Variants in GHR observed in about 807,000 individuals in gnomAD.
GHR encodes GH receptor.
Under a neutral mutation model 67.1 loss-of-function variants are expected in GHR, and 35 were observed. That is an observed-to-expected ratio of 0.52 (90% CI 0.40 to 0.69). The LOEUF is 0.69. Ranked by LOEUF, GHR falls within the 30% of genes least tolerant of loss-of-function variation. The pLI, the probability that GHR is intolerant of heterozygous loss-of-function variation, is 0.00. For missense variants in GHR, 792 were observed against 764.6 expected (o/e 1.04, Z -0.42); for synonymous variants, 272 against 269.1 (o/e 1.01, Z -0.10).
intron 1 of GHR, among the ~76,000 whole-genome samples, chr5:42,563,624 CAAAAAAAA>C (rs1168788232): frequency 3.5e-4 from 16 of 45,094 alleles, no homozygotes; most frequent in African/African-American, 5.1e-4. Context: ...GACTCCGTCT[CAAAAAAAA>C]AAAAAAAAAA....
intron 1 of GHR, among the ~76,000 whole-genome samples, chr5:42,541,154 C>T (rs1168869031): frequency 2.0e-5 from 3 of 152,064 alleles, no homozygotes; most frequent in East Asian, 1.9e-4. Context: ...TCAACCAAAT[C>T]GTCTCTGAGC....
chr5:42,468,140 C>T, intron 1 of GHR: 1 of 1,281,522 alleles, frequency 7.8e-7, no homozygotes, highest in Non-Finnish European at 1.1e-6. Flanking sequence ...ACCTTTTCTT[C>T]CTCTTCTGAT....
intron 1 of GHR, among the ~76,000 whole-genome samples, chr5:42,511,572 C>CTGTTTTT (rs1747016738): frequency 6.6e-6 from 1 of 152,084 alleles, no homozygotes. Context: ...AAACAGTCCT[C>CTGTTTTT]TGTTTTTTGT....
intron 1 of GHR, among the ~76,000 whole-genome samples, chr5:42,460,529 T>A (rs1744443913): frequency 6.6e-6 from 1 of 152,200 alleles, no homozygotes; most frequent in African/African-American, 2.4e-5. Flanking sequence ...CCAGGAAGTT[T>A]GGAATGGATC....
At position 42,679,194 on chromosome 5, in the gene GHR, TTAA is replaced by T. The variant is rs1358437196; in HGVS notation, c.137-9692_137-9690del. ...TATATTATATATTGTATATTATATA[TTAA>T]TAACATACTATTATTAATATTTTAA... On this transcript the variant is annotated intron_variant, in intron 3 of 9. Transcript: ENST00000230882. 2.3e-4 allele frequency among the ~76,000 whole-genome samples: 33 copies of T among 145,522 alleles called. No individual in the cohort carries two copies. The South Asian group carries it at 7.2e-3, about 32-fold the overall frequency.
intron 3 of GHR, among the ~76,000 whole-genome samples, chr5:42,631,551 C>T (rs1014709522): frequency 2.6e-5 from 4 of 152,178 alleles, no homozygotes; most frequent in African/African-American, 9.7e-5. Context: ...ATTTAACAGT[C>T]TGCTGTGTAC....
chr5:42,489,992 A>G (rs553615240), intron 1 of GHR, among the ~76,000 whole-genome samples: 17 of 152,364 alleles, frequency 1.1e-4, no homozygotes, highest in African/African-American at 4.1e-4. Context: ...AAATATAGCA[A>G]GAACATTTTC....
intron 1 of GHR, among the ~76,000 whole-genome samples, chr5:42,482,020 C>A (rs1461824302): frequency 6.6e-6 from 1 of 151,944 alleles, no homozygotes; most frequent in Non-Finnish European, 1.5e-5. Flanking sequence ...TTTTATCTAC[C>A]TTTGGTCTTT....
chr5:42,555,909 A>G (rs1749282782), intron 1 of GHR, among the ~76,000 whole-genome samples: 1 of 152,208 alleles, frequency 6.6e-6, no homozygotes, highest in African/African-American at 2.4e-5. Flanking sequence ...ACAAAATTTT[A>G]GAAGGGTGTT....
intron 2 of GHR, among the ~76,000 whole-genome samples, chr5:42,613,841 A>T (rs1753006281): frequency 6.6e-6 from 1 of 152,114 alleles, no homozygotes; most frequent in African/African-American, 2.4e-5. Flanking sequence ...AAAGGTAGGG[A>T]CATTAGGAGA....
At chr5:42,497,357 CCT>C (rs1579819028) in intron 1 of GHR, among the ~76,000 whole-genome samples, 1 of 152,284 alleles carries the variant, frequency 6.6e-6, no homozygotes, top group East Asian at 1.9e-4. Context: ...TACACGAATG[CCT>C]CTCTTTCCCA....
intron 6 of GHR, among the ~76,000 whole-genome samples, chr5:42,704,487 T>C (rs1436045176): frequency 1.3e-5 from 2 of 152,060 alleles, no homozygotes; most frequent in African/African-American, 4.8e-5. Flanking sequence ...ACATCTGTAT[T>C]TATCAGAGAT....
chr5:42,564,001 G>A (rs775788418), intron 1 of GHR, among the ~76,000 whole-genome samples: 19 of 152,096 alleles, frequency 1.2e-4, no homozygotes, highest in Non-Finnish European at 7.4e-5. Flanking sequence ...CAAAGTAGAC[G>A]AGGATGATGA....
chr5:42,470,627 C>T (rs1472053835), intron 1 of GHR, among the ~76,000 whole-genome samples: 2 of 152,120 alleles, frequency 1.3e-5, no homozygotes, highest in African/African-American at 2.4e-5. Context: ...AAGATCCTTC[C>T]AATAGTAAAT....
intron 5 of GHR, 74 bp from the exon 6 acceptor site, chr5:42,699,750 C>A: frequency 1.1e-6 from 1 of 939,340 alleles, no homozygotes; most frequent in Non-Finnish European, 1.8e-6. Context: ...GTAATTTGGT[C>A]TTCTGAGAAG....
chr5:42,474,061 C>A (rs887649760), intron 1 of GHR, among the ~76,000 whole-genome samples: 3 of 151,082 alleles, frequency 2.0e-5, no homozygotes, highest in Non-Finnish European at 4.4e-5. Flanking sequence ...TGGTGGTGCA[C>A]ACCTATAATC....
chr5:42,496,306 A>T (rs1051188184), intron 1 of GHR, among the ~76,000 whole-genome samples: 1 of 152,212 alleles, frequency 6.6e-6, no homozygotes, highest in African/African-American at 2.4e-5. Flanking sequence ...CAACCAATTC[A>T]GTGTACTAGG....
chr5:42,531,149 T>A (rs967903080), intron 1 of GHR, among the ~76,000 whole-genome samples: 1 of 151,908 alleles, frequency 6.6e-6, no homozygotes, highest in Non-Finnish European at 1.5e-5. Flanking sequence ...GCGCCTGTAA[T>A]CCCAGCTACT....
rs930147753 is a variant in GHR at position 42,627,340 on chromosome 5, G to T, written c.71-1698G>T. ...TGTTCCCTACTGTGTCTAGGCGTGA[G>T]ACCAAAAGTAATTAAGACCAGGTTT... On this transcript the variant is annotated intron_variant, in intron 2 of 9. Coordinates refer to ENST00000230882, the MANE Select transcript of GHR (RefSeq NM_000163.5). 2.0e-5 allele frequency among the ~76,000 whole-genome samples: 3 copies of T among 152,084 alleles called. No individual in the cohort carries two copies. In the South Asian group the frequency reaches 6.2e-4, roughly 32 times the overall value.
Sources: allele counts gnomAD v4.1 joint callset (sites outside exome capture counted in the v4.1 genomes callset), GRCh38; gene constraint gnomAD v4.1.1; transcripts MANE v1.5; gene names NCBI Gene and HGNC (gene_info 2026-07-23, HGNC 2026-07-21).